SPPL3: variants seen among roughly 807,000 people sequenced by gnomAD.
SPPL3 encodes the protein signal peptide peptidase like 3.
Under a neutral mutation model 42.4 loss-of-function variants are expected in SPPL3, and 5 were observed. That is an observed-to-expected ratio of 0.12 (90% CI 0.06 to 0.25). SPPL3 has a LOEUF of 0.25. SPPL3 is among the 10% of genes least tolerant of loss of function. The probability of loss-of-function intolerance (pLI) is 1.00; values close to 1 mark genes in which losing one functional copy is unlikely to be tolerated. For synonymous variants in SPPL3, 195 were observed against 181.8 expected (o/e 1.07, Z -0.58); for missense variants, 235 against 489.0 (o/e 0.48, Z 4.90).
chr12:120,768,748 T>TCACA (rs139754758), intron 7 of SPPL3: 5 of 621,890 alleles, frequency 8.0e-6, no homozygotes, highest in African/African-American at 7.4e-5. Context: ...ATCCTAGGAG[T>TCACA]CACACACACA....
At chr12:120,800,722 A>G (rs1200407827) in intron 2 of SPPL3, among the ~76,000 whole-genome samples, 1 of 152,118 alleles carries the variant, frequency 6.6e-6, no homozygotes, top group East Asian at 1.9e-4. Flanking sequence ...GAGGTCAACA[A>G]ATGTCCAATT....
Position 120,903,930 on chromosome 12 carries a change from C to G in SPPL3, c.-63G>C, listed in dbSNP as rs1326552602. On this transcript the variant is annotated 5_prime_UTR_variant, in exon 1 of 11. Coordinates refer to ENST00000353487, the MANE Select transcript of SPPL3 (RefSeq NM_139015.5). ...CGGGCCCGGCGGCGGCGGGCTCGCT[C>G]GGGCCGTAGCTGAAGGCGCGGCCGG... 7.8e-7 allele frequency: 1 copy of G among 1,281,574 alleles called. No homozygotes were observed. The highest frequency in any genetic ancestry group is 1.6e-5 in the African/African-American group (1 of 63,284). The allele number at this position is 1,281,574 out of a possible 1,614,324, so 79.4% of individuals were successfully genotyped here. A position where few individuals can be genotyped will look rare whatever the true frequency, so the allele number is the denominator to read the frequency against.
At chr12:120,878,472 G>A (rs1343363194) in intron 1 of SPPL3, among the ~76,000 whole-genome samples, 1 of 152,188 alleles carries the variant, frequency 6.6e-6, no homozygotes, top group Non-Finnish European at 1.5e-5. Context: ...CAATTCAGCT[G>A]ATAAATGACT....
chr12:120,858,606 G>A (rs1207743484), intron 1 of SPPL3, among the ~76,000 whole-genome samples: 3 of 152,112 alleles, frequency 2.0e-5, no homozygotes, highest in African/African-American at 7.2e-5. Context: ...CAACCAACGG[G>A]TAACAGATAA....
chr12:120,867,552 C>T (rs1259138460), intron 1 of SPPL3, among the ~76,000 whole-genome samples: 6 of 151,808 alleles, frequency 4.0e-5, no homozygotes, highest in Admixed American at 3.9e-4. Context: ...GTAGTCCCAG[C>T]TACTTGAGAG....
At chr12:120,879,738 G>A (rs1873222010) in intron 1 of SPPL3, among the ~76,000 whole-genome samples, 1 of 151,762 alleles carries the variant, frequency 6.6e-6, no homozygotes. Context: ...TAAAATCTTG[G>A]GTAAGTAATC....
At chr12:120,775,130 C>T (rs1357991891) in intron 6 of SPPL3, among the ~76,000 whole-genome samples, 2 of 152,008 alleles carry the variant, frequency 1.3e-5, no homozygotes, top group Admixed American at 1.3e-4. Context: ...GTGGAGTCAG[C>T]GCACCAAGAG....
chr12:120,777,073 A>T (rs1270327003), intron 6 of SPPL3, among the ~76,000 whole-genome samples: 1 of 152,218 alleles, frequency 6.6e-6, no homozygotes, highest in African/African-American at 2.4e-5. Context: ...TAAAGACACC[A>T]TCATAAAACA....
intron 1 of SPPL3, among the ~76,000 whole-genome samples, chr12:120,885,759 A>G (rs1373923029): frequency 1.3e-5 from 2 of 151,822 alleles, no homozygotes; most frequent in Non-Finnish European, 2.9e-5. Flanking sequence ...TGAGTGAGGT[A>G]GAGATTCAGT....
chr12:120,823,177 A>G (rs1387779511), intron 1 of SPPL3, among the ~76,000 whole-genome samples: 1 of 115,328 alleles, frequency 8.7e-6, no homozygotes. Flanking sequence ...TATTCCCACA[A>G]AGGTGTCTGT....
intron 1 of SPPL3, among the ~76,000 whole-genome samples, chr12:120,885,558 G>C (rs995344550): frequency 1.1e-4 from 17 of 152,146 alleles, no homozygotes; most frequent in African/African-American, 3.1e-4. Flanking sequence ...ATAATGCAAT[G>C]GTCAAATCCT....
At chr12:120,829,024 A>G (rs1871313421) in intron 1 of SPPL3, among the ~76,000 whole-genome samples, 1 of 152,196 alleles carries the variant, frequency 6.6e-6, no homozygotes, top group Admixed American at 6.5e-5. Flanking sequence ...CAAGCCTTCC[A>G]AAGTTCTGGG....
chr12:120,855,702 A>AAAAAG (rs567516364), intron 1 of SPPL3, among the ~76,000 whole-genome samples: 30 of 152,030 alleles, frequency 2.0e-4, no homozygotes, highest in Admixed American at 1.7e-3. Flanking sequence ...CTCAAAAAAA[A>AAAAAG]AAAAGAAAAG....
intron 1 of SPPL3, among the ~76,000 whole-genome samples, chr12:120,856,269 T>A (rs945549385): frequency 6.6e-6 from 1 of 151,382 alleles, no homozygotes; most frequent in African/African-American, 2.4e-5. Context: ...GGAAAAGATT[T>A]CCCTTAATCT....
intron 1 of SPPL3, among the ~76,000 whole-genome samples, chr12:120,825,512 A>C (rs957444448): frequency 6.6e-5 from 10 of 152,132 alleles, no homozygotes; most frequent in African/African-American, 9.7e-5. Flanking sequence ...TTAACTCTCT[A>C]GTAACAGGGC....
chr12:120,875,126 A>G (rs1593006406), intron 1 of SPPL3, among the ~76,000 whole-genome samples: 3 of 152,352 alleles, frequency 2.0e-5, no homozygotes, highest in African/African-American at 7.2e-5. Flanking sequence ...GGACACAGGC[A>G]TCATGAAGCA....
intron 6 of SPPL3, among the ~76,000 whole-genome samples, chr12:120,771,681 T>G (rs1186129619): frequency 6.6e-6 from 1 of 152,104 alleles, no homozygotes; most frequent in Non-Finnish European, 1.5e-5. Context: ...CTCCTTCAGC[T>G]CTCTTCCTCC....
chr12:120,766,164 A>C (rs1243945936), intron 10 of SPPL3, 99 bp downstream of exon 10: 2 of 933,324 alleles, frequency 2.1e-6, no homozygotes, highest in Non-Finnish European at 1.6e-6. Flanking sequence ...AAGCTCACTC[A>C]GGGGCTTAAG....
intron 1 of SPPL3, among the ~76,000 whole-genome samples, chr12:120,900,374 G>A (rs902972332): frequency 2.0e-5 from 3 of 151,864 alleles, no homozygotes; most frequent in Admixed American, 1.3e-4. Flanking sequence ...CACTTCGGGA[G>A]GCCAAAGCAG....
Sources: gnomAD v4.1 joint callset for allele counts (sites outside exome capture counted in the v4.1 genomes callset) on GRCh38, gnomAD v4.1.1 for gene constraint, MANE v1.5 for transcripts, NCBI Gene and HGNC (gene_info 2026-07-23, HGNC 2026-07-21) for gene names.